The following ZDHHC14 variants were observed in gnomAD, a reference collection of about 807,000 sequenced individuals.
ZDHHC14 encodes palmitoyltransferase ZDHHC14.
In ZDHHC14, 16 loss-of-function variants were observed where a neutral mutation model predicts 47.7. The ratio of observed to expected loss-of-function variants is 0.34; its 90% CI spans 0.23 to 0.51. The LOEUF (loss-of-function observed/expected upper bound fraction) is 0.51, where lower values mean the gene tolerates loss of function less well. Ranked by LOEUF, ZDHHC14 falls within the 20% of genes least tolerant of loss-of-function variation. ZDHHC14 has a pLI of 0.97. For synonymous variants in ZDHHC14, 293 were observed against 278.9 expected (o/e 1.05, Z -0.50); for missense variants, 515 against 662.5 (o/e 0.78, Z 2.44).
At chr6:157,632,639 A>C (rs1583047639) in intron 4 of ZDHHC14, 195 bp from the exon 5 acceptor site, 2 of 635,922 alleles carry the variant, frequency 3.1e-6, no homozygotes, top group East Asian at 5.2e-5. Context: ...GGGCCTAATT[A>C]TGAATCCTCC....
intron 1 of ZDHHC14, among the ~76,000 whole-genome samples, chr6:157,383,834 C>A (rs1232782914): frequency 6.6e-6 from 1 of 152,162 alleles, no homozygotes; most frequent in East Asian, 1.9e-4. Context: ...TTCAGAGTGG[C>A]AGGGAGACAC....
chr6:157,542,876 C>A, intron 2 of ZDHHC14, 131 bp downstream of exon 2: 1 of 1,139,578 alleles, frequency 8.8e-7, no homozygotes, highest in South Asian at 1.6e-5. Context: ...AGTCAGCGTT[C>A]CTTAGCTCGC....
At chr6:157,617,283 T>C (rs1785003982) in intron 3 of ZDHHC14, among the ~76,000 whole-genome samples, 1 of 152,234 alleles carries the variant, frequency 6.6e-6, no homozygotes, top group South Asian at 2.1e-4. Context: ...GAAACACAGA[T>C]ATATATGGCC....
intron 1 of ZDHHC14, among the ~76,000 whole-genome samples, chr6:157,408,843 A>G (rs1027307883): frequency 6.6e-6 from 1 of 152,118 alleles, no homozygotes; most frequent in Non-Finnish European, 1.5e-5. Flanking sequence ...TGCTGGGTCA[A>G]ATGGTATTTC....
chr6:157,535,463 G>A (rs770691443), intron 1 of ZDHHC14, among the ~76,000 whole-genome samples: 1 of 152,182 alleles, frequency 6.6e-6, no homozygotes, highest in African/African-American at 2.4e-5. Flanking sequence ...GTTGAGCTTT[G>A]ATGAAACTGA....
rs1424490034 is a variant in ZDHHC14, at chr6:157,517,485, T to C, written c.246-25100T>C. On this transcript the variant is annotated intron_variant, in intron 1 of 8. Coordinates refer to ENST00000359775, the MANE Select transcript of ZDHHC14 (RefSeq NM_024630.3). ...CTATCACACCTGGCTTAATTTTGTA[T>C]TTTTAGTAGAGATGGGGTTTTAATC... 2.0e-5 allele frequency among the ~76,000 whole-genome samples: 3 copies of C among 152,138 alleles called. No individual in the cohort carries two copies. In the East Asian group the frequency reaches 5.8e-4, roughly 29 times the overall value.
At chr6:157,662,540 C>T (rs553125304) in intron 8 of ZDHHC14, among the ~76,000 whole-genome samples, 7 of 152,384 alleles carry the variant, frequency 4.6e-5, no homozygotes, top group African/African-American at 1.2e-4. Context: ...CACAGGGGCT[C>T]GCACACAGGA....
chr6:157,536,819 C>CTTTTTTTTTTTTTTTTTTTT (rs768063106), intron 1 of ZDHHC14, among the ~76,000 whole-genome samples: 12 of 97,976 alleles, frequency 1.2e-4, no homozygotes, highest in Non-Finnish European at 2.3e-4. Flanking sequence ...CTCCATCTAT[C>CTTTTTTTTTTTTTTTTTTTT]TTTTTTTTTT....
In ZDHHC14 at chr6:157,677,906, G is replaced by A. The variant is rs1778996394; in HGVS notation, c.*4784G>A. ...GCTAACTTTTTCCCAGAGCATTCTG[G>A]GTTGATATTTCACAGTCAAACGTTT... On this transcript the variant is annotated 3_prime_UTR_variant, in exon 9 of 9. Coordinates refer to ENST00000359775, the MANE Select transcript of ZDHHC14 (RefSeq NM_024630.3). The A allele has an allele frequency of 6.7e-6, 1 of 149,984 alleles. No homozygotes were observed. The highest frequency in any genetic ancestry group is 1.5e-5 in the Non-Finnish European group (1 of 67,808). 9.3% of individuals were successfully genotyped at this position (149,984 alleles called of 1,614,324 possible). A position where few individuals can be genotyped will look rare whatever the true frequency, so the allele number is the denominator to read the frequency against.
In ZDHHC14 at chr6:157,677,165, A is replaced by G. The variant is rs748659285; in HGVS notation, c.*4043A>G. 6.7e-6 allele frequency: 1 copy of G among 148,620 alleles called. No homozygotes were observed. Among genetic ancestry groups the G allele is most frequent in the Non-Finnish European group, 1.5e-5 (1 of 67,548 alleles). 9.2% of individuals were successfully genotyped at this position (148,620 alleles called of 1,614,324 possible). On this transcript the variant is annotated 3_prime_UTR_variant, in exon 9 of 9. Transcript: ENST00000359775. ...GAGAGAGACTTTCAAATGAATTCCT[A>G]TTCCTCTTGGTCCCCTCCACCTATT...
chr6:157,501,999 C>T (rs897834201), intron 1 of ZDHHC14, among the ~76,000 whole-genome samples: 1 of 152,172 alleles, frequency 6.6e-6, no homozygotes, highest in Non-Finnish European at 1.5e-5. Flanking sequence ...TTCATGCACT[C>T]CCCCAATGGC....
intron 1 of ZDHHC14, among the ~76,000 whole-genome samples, chr6:157,414,759 T>TA (rs1431299405): frequency 1.4e-4 from 21 of 151,802 alleles, no homozygotes; most frequent in Non-Finnish European, 2.6e-4. Context: ...CTGACAGACT[T>TA]ACGAAATTCC....
At chr6:157,506,875 T>A (rs1017253784) in intron 1 of ZDHHC14, among the ~76,000 whole-genome samples, 5 of 152,018 alleles carry the variant, frequency 3.3e-5, no homozygotes, top group Non-Finnish European at 7.4e-5. Context: ...AATGTGGCCA[T>A]TGATAAGTGG....
chr6:157,569,117 T>A (rs1468577588), intron 2 of ZDHHC14, among the ~76,000 whole-genome samples: 1 of 152,070 alleles, frequency 6.6e-6, no homozygotes, highest in East Asian at 1.9e-4. Context: ...GTTGCCAAAC[T>A]TATGTGACAA....
At chr6:157,541,700 T>C (rs139951638) in intron 1 of ZDHHC14, among the ~76,000 whole-genome samples, 2,602 of 152,316 alleles carry the variant, frequency 0.017, 78 homozygotes, top group African/African-American at 0.059. Context: ...TCCAGGCATC[T>C]GACTGCATCA....
intron 3 of ZDHHC14, among the ~76,000 whole-genome samples, chr6:157,599,619 T>C (rs1784267433): frequency 1.3e-5 from 2 of 152,164 alleles, no homozygotes; most frequent in African/African-American, 2.4e-5. Context: ...TAAAATACTT[T>C]AAAAAGTCTA....
chr6:157,440,749 A>G (rs914120043), intron 1 of ZDHHC14, among the ~76,000 whole-genome samples: 2 of 152,266 alleles, frequency 1.3e-5, no homozygotes, highest in African/African-American at 4.8e-5. Context: ...AAGTACTGAT[A>G]CATGGTACAA....
intron 2 of ZDHHC14, among the ~76,000 whole-genome samples, chr6:157,562,401 G>A (rs1401775709): frequency 1.3e-5 from 2 of 152,218 alleles, no homozygotes; most frequent in African/African-American, 2.4e-5. Flanking sequence ...CTCTGTGAGC[G>A]TGGCGAGGGG....
chr6:157,606,164 C>G (rs1275574894), intron 3 of ZDHHC14, among the ~76,000 whole-genome samples: 2 of 152,092 alleles, frequency 1.3e-5, no homozygotes, highest in African/African-American at 2.4e-5. Context: ...TCCCATGAGC[C>G]CCTTAAGATC....
Sources: allele counts gnomAD v4.1 joint callset (sites outside exome capture counted in the v4.1 genomes callset), GRCh38; gene constraint gnomAD v4.1.1; transcripts MANE v1.5; gene names NCBI Gene and HGNC (gene_info 2026-07-23, HGNC 2026-07-21).